ITGB5: variants seen among roughly 807,000 people sequenced by gnomAD.
The protein encoded by ITGB5 is integrin subunit beta 5.
A neutral mutation model predicts 84.8 loss-of-function variants in ITGB5; 38 were observed. The ratio of observed to expected loss-of-function variants is 0.45; its 90% CI spans 0.35 to 0.59. The LOEUF (loss-of-function observed/expected upper bound fraction) is 0.59, where lower values mean the gene tolerates loss of function less well. ITGB5 is among the 20% of genes least tolerant of loss of function. ITGB5 has a pLI of 0.01. For synonymous variants in ITGB5, 393 were observed against 414.4 expected (o/e 0.95, Z 0.63); for missense variants, 905 against 1,034.5 (o/e 0.87, Z 1.72).
chr3:124,772,034 A>C (rs948168036), intron 11 of ITGB5, among the ~76,000 whole-genome samples: 26 of 152,012 alleles, frequency 1.7e-4, no homozygotes. Context: ...TGCCCCAAGG[A>C]CTAGAAGCAT....
At position 124,887,053 on chromosome 3, in the gene ITGB5, G is replaced by A; in HGVS notation, c.-53C>T. The A allele has an allele frequency of 1.1e-6, 1 of 882,248 alleles. No homozygotes were observed. Among genetic ancestry groups the A allele is most frequent in the Non-Finnish European group, 1.4e-6 (1 of 726,176 alleles). 54.7% of individuals were successfully genotyped at this position (882,248 alleles called of 1,614,324 possible). On this transcript the variant is annotated 5_prime_UTR_variant, in exon 1 of 15. Coordinates refer to ENST00000296181, the MANE Select transcript of ITGB5 (RefSeq NM_002213.5). Reference sequence around the variant, plus strand: ...CGGTCGCTGCACTCCGCGGGGGCCGGCGGCCGGGGCTGGGGCCGGAGCGCG... The same window carrying A: ...CGGTCGCTGCACTCCGCGGGGGCCGACGGCCGGGGCTGGGGCCGGAGCGCG...
At chr3:124,898,789 A>AC (rs1935163528) in intron 1 of ITGB5, among the ~76,000 whole-genome samples, 1 of 149,204 alleles carries the variant, frequency 6.7e-6, no homozygotes, top group Non-Finnish European at 1.5e-5. Flanking sequence ...AAAAAAAAAA[A>AC]AAAAGGCCGG....
chr3:124,813,857 C>T (rs11919822), intron 8 of ITGB5, among the ~76,000 whole-genome samples: 3,096 of 152,220 alleles, frequency 0.02, 90 homozygotes, highest in African/African-American at 0.065. Context: ...TCTACCTCCC[C>T]AGAGGTCATG....
intron 9 of ITGB5, among the ~76,000 whole-genome samples, chr3:124,802,909 CA>C (rs1206996453): frequency 6.6e-6 from 1 of 152,124 alleles, no homozygotes; most frequent in Non-Finnish European, 1.5e-5. Flanking sequence ...CCTCGGACAG[CA>C]AGACAACAAC....
chr3:124,801,697 C>G (rs531500387), intron 9 of ITGB5, among the ~76,000 whole-genome samples: 2 of 152,244 alleles, frequency 1.3e-5, no homozygotes, highest in Non-Finnish European at 2.9e-5. Flanking sequence ...TCTACCCCCA[C>G]CACCATTCCC....
At chr3:124,781,661 G>C (rs538341649) in intron 10 of ITGB5, among the ~76,000 whole-genome samples, 1 of 152,326 alleles carries the variant, frequency 6.6e-6, no homozygotes, top group East Asian at 1.9e-4. Context: ...TCCTGCGCTT[G>C]TAAACAGCAT....
intron 9 of ITGB5, among the ~76,000 whole-genome samples, chr3:124,800,385 C>T (rs573564552): frequency 6.6e-6 from 1 of 152,326 alleles, no homozygotes; most frequent in South Asian, 2.1e-4. Context: ...AGTTAAGTCT[C>T]CAGAATCTTG....
chr3:124,828,890 T>G (rs1428669107), intron 5 of ITGB5, among the ~76,000 whole-genome samples: 3 of 152,230 alleles, frequency 2.0e-5, no homozygotes, highest in African/African-American at 7.2e-5. Flanking sequence ...CTTGTTTTTG[T>G]GATCTTAGAC....
At chr3:124,766,153 GAGC>G in intron 13 of ITGB5, 70 bp downstream of exon 13, 1 of 1,521,104 alleles carries the variant, frequency 6.6e-7, no homozygotes, top group Non-Finnish European at 9.0e-7. Flanking sequence ...AGTGGTCCCA[GAGC>G]AGAGAATGGC....
At chr3:124,891,119 A>G (rs7614708), upstream of ITGB5, among the ~76,000 whole-genome samples, 124,266 of 152,034 alleles carry the variant, frequency 0.82, 50,910 homozygotes, top group African/African-American at 0.86. Context: ...ATGGATAACC[A>G]AGAGAAATTT....
At chr3:124,900,640 C>A (rs754768674) in intron 1 of ITGB5, among the ~76,000 whole-genome samples, 15 of 152,172 alleles carry the variant, frequency 9.9e-5, no homozygotes, top group South Asian at 4.1e-4. Context: ...CTCTCCCCAA[C>A]CTAATCTCCA....
At chr3:124,882,464 A>C (rs1238933270) in intron 1 of ITGB5, among the ~76,000 whole-genome samples, 1 of 152,210 alleles carries the variant, frequency 6.6e-6, no homozygotes, top group African/African-American at 2.4e-5. Flanking sequence ...GGTCATGCAG[A>C]TATCTTGGAG....
chr3:124,838,750 T>C (rs996740234), intron 5 of ITGB5, among the ~76,000 whole-genome samples: 1 of 152,012 alleles, frequency 6.6e-6, no homozygotes, highest in South Asian at 2.1e-4. Context: ...TACAGGCGCC[T>C]GCCACCACGC....
chr3:124,821,345 C>G lies in ITGB5; in HGVS notation c.910G>C (p.Glu304Gln), dbSNP rs757532669. The change falls in exon 6 of 15, where the codon GAG (glutamate) becomes CAG (glutamine). Residue 304 changes from glutamate (E) to glutamine (Q), a missense_variant. Glu to Gln is a conservative substitution (Grantham distance 29). This residue lies in a region of ITGB5 where 656 missense variants were observed against 734.7 expected (regional missense o/e 0.89). Transcript: ENST00000296181. ...QPHDGQCHLN[E>Q]ANEYTASNQM... ...TTGGATGCAGTGTACTCGTTGGCCT[C>G]GTTCAGGTGGCACTGGCCATCGTGT... The G allele has an allele frequency of 6.2e-7, 1 of 1,614,110 alleles. No homozygotes were observed. Among genetic ancestry groups the G allele is most frequent in the Admixed American group, 1.7e-5 (1 of 60,006 alleles).
At chr3:124,819,605 T>C in intron 7 of ITGB5, 134 bp downstream of exon 7, 1 of 686,972 alleles carries the variant, frequency 1.5e-6, no homozygotes, top group Non-Finnish European at 2.7e-6. Flanking sequence ...TTTCCTCCTA[T>C]TATTTTCCAT....
At chr3:124,849,002 A>C (rs978726854) in intron 3 of ITGB5, among the ~76,000 whole-genome samples, 3 of 151,762 alleles carry the variant, frequency 2.0e-5, no homozygotes, top group Admixed American at 1.3e-4. Context: ...CTGGTATCCA[A>C]CTCCTGGCCT....
At chr3:124,893,490 A>G (rs1935042209) in intron 1 of ITGB5, among the ~76,000 whole-genome samples, 1 of 152,220 alleles carries the variant, frequency 6.6e-6, no homozygotes, top group African/African-American at 2.4e-5. Context: ...ATGCTCTGTC[A>G]TAAGTTTTTC....
chr3:124,773,612 G>T, intron 11 of ITGB5, 78 bp downstream of exon 11: 2 of 1,368,440 alleles, frequency 1.5e-6, no homozygotes, highest in South Asian at 1.3e-5. Context: ...GAGGCTAGCC[G>T]GCCCTGAGGG....
chr3:124,813,707 C>T (rs1474517571), intron 8 of ITGB5, among the ~76,000 whole-genome samples: 4 of 152,180 alleles, frequency 2.6e-5, no homozygotes. Flanking sequence ...CTCTCTGGTG[C>T]CACTCTCCAG....
Sources: allele counts gnomAD v4.1 joint callset (sites outside exome capture counted in the v4.1 genomes callset), GRCh38; gene constraint gnomAD v4.1.1; regional missense constraint gnomAD v4.1.1; transcripts MANE v1.5; gene names NCBI Gene and HGNC (gene_info 2026-07-23, HGNC 2026-07-21).